Variants in MBOAT2 observed in about 807,000 individuals in gnomAD.
The protein encoded by MBOAT2 is membrane-bound glycerophospholipid O-acyltransferase 2.
In MBOAT2, 28 loss-of-function variants were observed where a neutral mutation model predicts 63.4. The ratio of observed to expected loss-of-function variants is 0.44; its 90% CI spans 0.33 to 0.61. MBOAT2 has a LOEUF of 0.61. MBOAT2 is among the 20% of genes least tolerant of loss of function. MBOAT2 has a pLI of 0.03. For missense variants in MBOAT2, 470 were observed against 605.8 expected, an observed-to-expected ratio of 0.78 and a Z score of 2.35; for synonymous variants, 211 against 215.6, an observed-to-expected ratio of 0.98 and a Z score of 0.19.
At chr2:8,995,877 C>T (rs1248638991) in intron 1 of MBOAT2, among the ~76,000 whole-genome samples, 2 of 152,210 alleles carry the variant, frequency 1.3e-5, no homozygotes, top group Non-Finnish European at 2.9e-5. Context: ...AGGCGTGAGC[C>T]ATCGCGCCCG....
intron 9 of MBOAT2, among the ~76,000 whole-genome samples, chr2:8,866,413 C>T (rs970957057): frequency 6.6e-6 from 1 of 152,148 alleles, no homozygotes; most frequent in African/African-American, 2.4e-5. Flanking sequence ...GTGAGAAACA[C>T]TGCTATATCC....
intron 1 of MBOAT2, among the ~76,000 whole-genome samples, chr2:8,966,379 G>A (rs541044031): frequency 2.6e-5 from 4 of 152,220 alleles, no homozygotes; most frequent in Admixed American, 6.5e-5. Context: ...AGTTTCAAGC[G>A]CCCTGTGCTG....
At chr2:8,870,350 A>G (rs1662223626) in intron 8 of MBOAT2, among the ~76,000 whole-genome samples, 1 of 152,250 alleles carries the variant, frequency 6.6e-6, no homozygotes, top group Admixed American at 6.5e-5. Context: ...ACTAGTATCC[A>G]TGAAATTATA....
intron 1 of MBOAT2, among the ~76,000 whole-genome samples, chr2:8,966,635 C>T (rs984945118): frequency 2.6e-5 from 4 of 152,162 alleles, no homozygotes; most frequent in Admixed American, 6.6e-5. Context: ...AAGGAAAGAA[C>T]CATTTTTTAC....
At chr2:8,895,518 C>T (rs1272690758) in intron 4 of MBOAT2, among the ~76,000 whole-genome samples, 7 of 152,158 alleles carry the variant, frequency 4.6e-5, no homozygotes. Flanking sequence ...GGTGCATTTA[C>T]AAACCTTTAG....
chr2:8,918,912 C>A (rs1005440120), intron 3 of MBOAT2, among the ~76,000 whole-genome samples: 1 of 152,148 alleles, frequency 6.6e-6, no homozygotes, highest in African/African-American at 2.4e-5. Context: ...TTGCAGTAAT[C>A]CCTAATTGTA....
chr2:9,001,898 G>A (rs1672716165), intron 1 of MBOAT2, among the ~76,000 whole-genome samples: 2 of 152,250 alleles, frequency 1.3e-5, no homozygotes, highest in Admixed American at 1.3e-4. Context: ...GTGAACATGT[G>A]CCCATCTCTC....
At chr2:8,928,213 G>T (rs1357833366) in intron 3 of MBOAT2, among the ~76,000 whole-genome samples, 3 of 152,188 alleles carry the variant, frequency 2.0e-5, no homozygotes, top group Non-Finnish European at 4.4e-5. Context: ...TTCAACATGA[G>T]ATTTGGGAGG....
intron 3 of MBOAT2, among the ~76,000 whole-genome samples, chr2:8,936,816 AG>A (rs1667700522): frequency 6.7e-6 from 1 of 150,162 alleles, no homozygotes; most frequent in African/African-American, 2.5e-5. Flanking sequence ...GAAAAGAAAA[AG>A]AAAAGAAAAA....
intron 3 of MBOAT2, among the ~76,000 whole-genome samples, chr2:8,934,859 T>G (rs1007156889): frequency 6.6e-6 from 1 of 152,296 alleles, no homozygotes; most frequent in Admixed American, 6.5e-5. Context: ...GAGGACACAT[T>G]TTCAAATGAC....
At chr2:8,963,449 A>G (rs969941359) in intron 1 of MBOAT2, among the ~76,000 whole-genome samples, 11 of 152,050 alleles carry the variant, frequency 7.2e-5, no homozygotes, top group Non-Finnish European at 1.3e-4. Context: ...GATTACAGGC[A>G]TGCACTACCA....
intron 7 of MBOAT2, among the ~76,000 whole-genome samples, chr2:8,876,641 T>C (rs530712781): frequency 6.6e-6 from 1 of 151,646 alleles, no homozygotes; most frequent in Non-Finnish European, 1.5e-5. Flanking sequence ...ATACAGAGTG[T>C]TTACAATCTG....
chr2:8,953,303 G>T (rs1039140054), intron 2 of MBOAT2, among the ~76,000 whole-genome samples: 23 of 152,188 alleles, frequency 1.5e-4, no homozygotes, highest in African/African-American at 5.5e-4. Flanking sequence ...GTCCTGGCTT[G>T]TAAGGTTAGC....
chr2:8,975,810 A>C (rs1225300094), intron 1 of MBOAT2, among the ~76,000 whole-genome samples: 1 of 151,946 alleles, frequency 6.6e-6, no homozygotes, highest in Non-Finnish European at 1.5e-5. Flanking sequence ...AAAAAAAAAA[A>C]AAAACGATGG....
intron 3 of MBOAT2, among the ~76,000 whole-genome samples, chr2:8,914,943 T>C (rs1326703552): frequency 7.3e-6 from 1 of 136,594 alleles, no homozygotes; most frequent in Non-Finnish European, 1.6e-5. Context: ...TCTTTTTTTT[T>C]TTTTTTTTTT....
chr2:8,980,082 C>A (rs1225772675), intron 1 of MBOAT2, among the ~76,000 whole-genome samples: 2 of 152,148 alleles, frequency 1.3e-5, no homozygotes, highest in African/African-American at 4.8e-5. Context: ...AAAAGTAGCT[C>A]AGTTTTGGTA....
At position 8,862,516 on chromosome 2, in the gene MBOAT2, AAG is replaced by A; in HGVS notation, c.1185+72_1185+73del. On this transcript the variant is annotated intron_variant, in intron 11 of 12. Transcript: ENST00000305997. The surrounding 1 kb of genome is among the most constrained non-coding windows in gnomAD (Gnocchi z 4.3). The stretch of plus-strand genomic sequence containing the variant: ...ACCAAGGAAAGAGGGTCTACCTTGT[AAG>A]AGAGATGTACTCAGCCTTTTTAACA... 6.6e-7 allele frequency: 1 copy of A among 1,521,054 alleles called. No homozygotes were observed. Among genetic ancestry groups the A allele is most frequent in the Non-Finnish European group, 8.9e-7 (1 of 1,121,452 alleles). The allele number at this position is 1,521,054 out of a possible 1,614,324, so 94.2% of individuals were successfully genotyped here. A position where few individuals can be genotyped will look rare whatever the true frequency, so the allele number is the denominator to read the frequency against.
At chr2:8,879,304 A>G (rs867632361) in intron 6 of MBOAT2, among the ~76,000 whole-genome samples, 9 of 152,290 alleles carry the variant, frequency 5.9e-5, no homozygotes, top group Non-Finnish European at 7.4e-5. Context: ...CTCAATACCA[A>G]TTATTTTAAC....
intron 2 of MBOAT2, among the ~76,000 whole-genome samples, chr2:8,955,188 T>C (rs1244392190): frequency 6.6e-6 from 1 of 152,240 alleles, no homozygotes; most frequent in African/African-American, 2.4e-5. Flanking sequence ...AAGGAATGGC[T>C]GGCTTCATAC....
Sources: gnomAD v4.1 joint callset for allele counts (sites outside exome capture counted in the v4.1 genomes callset) on GRCh38, gnomAD v4.1.1 for gene constraint, Gnocchi (gnomAD v3.1) non-coding constraint, MANE v1.5 for transcripts, NCBI Gene and HGNC (gene_info 2026-07-23, HGNC 2026-07-21) for gene names.